The following LRRC37A2 variants were observed in gnomAD, a reference collection of about 807,000 sequenced individuals.
The protein encoded by LRRC37A2 is leucine rich repeat containing 37 member A2, also known as leucine-rich repeat-containing protein 37A2.
A neutral mutation model predicts 68.8 loss-of-function variants in LRRC37A2; 9 were observed. The ratio of observed to expected loss-of-function variants is 0.13; its 90% CI spans 0.08 to 0.23. LRRC37A2 has a LOEUF of 0.23. LRRC37A2 is among the 10% of genes least tolerant of loss of function. LRRC37A2 has a pLI of 1.00. For missense variants in LRRC37A2, 168 were observed against 950.4 expected, an observed-to-expected ratio of 0.18 and a Z score of 10.82; for synonymous variants, 63 against 367.6, an observed-to-expected ratio of 0.17 and a Z score of 9.48.
At chr17:46,941,894 G>A in the LRRC37A2 span, 2 of 983,226 alleles carry the variant, frequency 2.0e-6, no homozygotes, top group African/African-American at 1.7e-5. Flanking sequence ...CCTCTAAGGT[G>A]ATTCTGATGT....
the LRRC37A2 span, chr17:46,876,564 G>T: frequency 6.2e-7 from 1 of 1,613,638 alleles, no homozygotes. Context: ...GTGTGCTCCC[G>T]GGAGGCCAGC....
the LRRC37A2 span, among the ~76,000 whole-genome samples, chr17:46,736,264 C>T: frequency 6.6e-6 from 1 of 152,230 alleles, no homozygotes. Context: ...TAGGCCACCA[C>T]CAGGTCACAC....
At chr17:46,768,640 G>A in the LRRC37A2 span, 1 of 1,614,154 alleles carries the variant, frequency 6.2e-7, no homozygotes, top group Non-Finnish European at 8.5e-7. This position sits in a 1 kb window ranked among gnomAD's most constrained non-coding sequence, Gnocchi z 5.0. Context: ...CGGGACTCAC[G>A]GTGCTTCTCT....
At chr17:46,678,862 G>C in the LRRC37A2 span, among the ~76,000 whole-genome samples, 1 of 134,292 alleles carries the variant, frequency 7.4e-6, no homozygotes, top group Non-Finnish European at 1.6e-5. Flanking sequence ...TTTTTAAAGA[G>C]CTGAAAGAAA....
At chr17:46,917,924 C>G in the LRRC37A2 span, among the ~76,000 whole-genome samples, 1 of 152,220 alleles carries the variant, frequency 6.6e-6, no homozygotes, top group South Asian at 2.1e-4. Context: ...TGGACCCAGA[C>G]AGAAAGCGAT....
the LRRC37A2 span, among the ~76,000 whole-genome samples, chr17:46,997,787 T>C: frequency 6.6e-6 from 1 of 152,130 alleles, no homozygotes; most frequent in African/African-American, 2.4e-5. Context: ...CTGGCCCAGA[T>C]GGTGAAACCC....
the LRRC37A2 span, among the ~76,000 whole-genome samples, chr17:46,493,816 C>T: frequency 0.23 from 33,439 of 148,216 alleles, 3,476 homozygotes; most frequent in East Asian, 0.36. Flanking sequence ...GGATTACAGG[C>T]GTGAGCCACC....
At chr17:46,896,410 G>T in the LRRC37A2 span, among the ~76,000 whole-genome samples, 1 of 77,674 alleles carries the variant, frequency 1.3e-5, no homozygotes, top group African/African-American at 1.1e-4. Context: ...AAGAAAGAAA[G>T]AAAGAAAGAA....
chr17:46,794,202 C>T, the LRRC37A2 span, among the ~76,000 whole-genome samples: 1 of 151,796 alleles, frequency 6.6e-6, no homozygotes, highest in Non-Finnish European at 1.5e-5. Context: ...GGGACTGTGC[C>T]CTGAGAGAAA....
At chr17:46,768,152 G>C in the LRRC37A2 span, among the ~76,000 whole-genome samples, 2 of 152,138 alleles carry the variant, frequency 1.3e-5, no homozygotes, top group Admixed American at 1.3e-4. This position sits in a 1 kb window ranked among gnomAD's most constrained non-coding sequence, Gnocchi z 5.0. Context: ...CCATTCCCAC[G>C]GATGCTTGAA....
the LRRC37A2 span, among the ~76,000 whole-genome samples, chr17:46,840,418 A>G: frequency 2.0e-5 from 3 of 152,222 alleles, no homozygotes; most frequent in African/African-American, 4.8e-5. Flanking sequence ...ATTGATGGAC[A>G]TCTGGGTTGG....
the LRRC37A2 span, among the ~76,000 whole-genome samples, chr17:46,961,897 G>A: frequency 3.9e-5 from 6 of 152,202 alleles, no homozygotes; most frequent in African/African-American, 1.4e-4. Context: ...TGCTACCCTA[G>A]GGGATTATAG....
the LRRC37A2 span, among the ~76,000 whole-genome samples, chr17:46,805,145 A>G: frequency 4.5e-4 from 69 of 152,220 alleles, 2 homozygotes; most frequent in African/African-American, 1.6e-3. Flanking sequence ...TTCAGGGATG[A>G]GACGAACCCT....
the LRRC37A2 span, among the ~76,000 whole-genome samples, chr17:46,466,708 C>G: frequency 2.1e-5 from 2 of 94,922 alleles, no homozygotes; most frequent in Non-Finnish European, 4.4e-5. Flanking sequence ...CAAGTCTTTG[C>G]TATTGTGAAC....
chr17:46,522,696 G>A (rs1459289020), intron 4 of LRRC37A2, among the ~76,000 whole-genome samples: 1 of 32,550 alleles, frequency 3.1e-5, no homozygotes, highest in Non-Finnish European at 6.1e-5. Context: ...TGCCAGCCTC[G>A]GCCTCCGAAA....
At chr17:46,533,987 A>G (rs2054144066) in intron 6 of LRRC37A2, among the ~76,000 whole-genome samples, 1 of 122,640 alleles carries the variant, frequency 8.2e-6, no homozygotes. Context: ...ATGCCATTTC[A>G]TTGCCTTTTG....
the LRRC37A2 span, among the ~76,000 whole-genome samples, chr17:46,392,431 C>CTCTT: frequency 0.16 from 4,667 of 29,430 alleles, 1,102 homozygotes; most frequent in East Asian, 0.3. Flanking sequence ...CTTTCTTTCT[C>CTCTT]TCTTTCTTTC....
At chr17:46,775,738 C>T in the LRRC37A2 span, among the ~76,000 whole-genome samples, 2 of 151,656 alleles carry the variant, frequency 1.3e-5, no homozygotes, top group African/African-American at 4.8e-5. Flanking sequence ...CTCAGCCTCC[C>T]GAGTAGCTGG....
chr17:46,816,119 A>ACACACACACACACACACGCACG, the LRRC37A2 span, among the ~76,000 whole-genome samples: 25 of 150,666 alleles, frequency 1.7e-4, no homozygotes, highest in East Asian at 8.0e-4. Flanking sequence ...ACGTACACAC[A>ACACACACACACACACACGCACG]CACACACACA....
Sources: allele counts gnomAD v4.1 joint callset (sites outside exome capture counted in the v4.1 genomes callset), GRCh38; gene constraint gnomAD v4.1.1; non-coding constraint Gnocchi (gnomAD v3.1); transcripts MANE v1.5; gene names NCBI Gene and HGNC (gene_info 2026-07-23, HGNC 2026-07-21).